The following GLYAT variants were observed in gnomAD, a reference collection of about 807,000 sequenced individuals.
GLYAT encodes the protein glycine-N-acyltransferase, also known as glycine N-acyltransferase.
In GLYAT, 25 loss-of-function variants were observed where a neutral mutation model predicts 22.8. That is an observed-to-expected ratio of 1.09 (90% CI 0.80 to 1.53). GLYAT has a LOEUF of 1.53. GLYAT is among the 40% of genes most tolerant of loss of function. The pLI is 0.00. For synonymous variants in GLYAT, 140 were observed against 122.7 expected, an observed-to-expected ratio of 1.14 and a Z score of -0.93; for missense variants, 411 against 353.9, an observed-to-expected ratio of 1.16 and a Z score of -1.29.
intron 3 of GLYAT, 141 bp downstream of exon 3, chr11:58,715,175 C>G (rs1565055735): frequency 1.8e-6 from 1 of 553,366 alleles, no homozygotes; most frequent in Non-Finnish European, 3.2e-6. Context: ...GTCTTTCAGA[C>G]TCCGAGCTTC....
At position 58,717,555 on chromosome 11, in the gene GLYAT, A is replaced by T. The variant is rs566455883; in HGVS notation, c.82-2132T>A. Among the ~76,000 whole-genome samples the T allele has an allele frequency of 4.7e-3, 714 of 152,032 alleles. 6 individuals carry two copies. Among genetic ancestry groups the T allele is most frequent in the Middle Eastern group, 0.02 (6 of 294 alleles). ...AGTTATTTCAAATTAGGAAAAATGAAAAAAAAAGAAGAAAAATAAATTTAA... is the reference window on the plus strand; with the variant it reads ...AGTTATTTCAAATTAGGAAAAATGATAAAAAAAGAAGAAAAATAAATTTAA... On this transcript the variant is annotated intron_variant, in intron 2 of 5. Coordinates refer to ENST00000344743, the MANE Select transcript of GLYAT (RefSeq NM_201648.3).
At chr11:58,715,575 G>A (rs1429011093) in intron 2 of GLYAT, 152 bp from the exon 3 acceptor site, 6 of 580,624 alleles carry the variant, frequency 1.0e-5, no homozygotes, top group Non-Finnish European at 1.8e-5. Context: ...GAATCTCTGT[G>A]TGCTATTTTT....
intron 1 of GLYAT, among the ~76,000 whole-genome samples, chr11:58,727,902 A>G (rs79638283): frequency 0.023 from 3,575 of 152,190 alleles, 50 homozygotes; most frequent in South Asian, 0.045. Flanking sequence ...GGAAGAATCA[A>G]GGGAGAATGG....
chr11:58,710,859 A>G, intron 4 of GLYAT, 98 bp from the exon 5 acceptor site: 5 of 762,352 alleles, frequency 6.6e-6, no homozygotes, highest in Non-Finnish European at 1.1e-5. Flanking sequence ...GTATCATAAA[A>G]TCTTGGTTCT....
intron 3 of GLYAT, among the ~76,000 whole-genome samples, chr11:58,714,228 G>A (rs531061174): frequency 1.1e-4 from 16 of 152,188 alleles, no homozygotes; most frequent in African/African-American, 2.4e-4. Context: ...AGTTATAATA[G>A]GAGGAATAAG....
chr11:58,710,546 CT>C, intron 5 of GLYAT, 43 bp downstream of exon 5: 1 of 1,429,954 alleles, frequency 7.0e-7, no homozygotes, highest in Non-Finnish European at 9.9e-7. Context: ...TGGGAGGTTA[CT>C]TGAGAGGTGT....
At chr11:58,713,837 T>C (rs1293669279) in intron 3 of GLYAT, among the ~76,000 whole-genome samples, 1 of 152,060 alleles carries the variant, frequency 6.6e-6, no homozygotes, top group Non-Finnish European at 1.5e-5. Context: ...AAAGATCAAA[T>C]AATTTTATTT....
chr11:58,714,291 T>C (rs1341476119), intron 3 of GLYAT, among the ~76,000 whole-genome samples: 1 of 152,166 alleles, frequency 6.6e-6, no homozygotes, highest in Non-Finnish European at 1.5e-5. Context: ...CAATGTATTG[T>C]ATTCTTGAAA....
intron 2 of GLYAT, among the ~76,000 whole-genome samples, chr11:58,718,705 C>T (rs1856713149): frequency 6.6e-6 from 1 of 151,200 alleles, no homozygotes; most frequent in Admixed American, 6.6e-5. Context: ...GTATCAGAAA[C>T]CCACATTTAA....
intron 1 of GLYAT, among the ~76,000 whole-genome samples, chr11:58,727,620 A>G (rs1856823665): frequency 6.6e-6 from 1 of 152,010 alleles, no homozygotes; most frequent in African/African-American, 2.4e-5. Context: ...CCCACAAGCC[A>G]CCTATCAGGT....
intron 1 of GLYAT, among the ~76,000 whole-genome samples, chr11:58,730,227 C>A (rs1176790344): frequency 1.3e-5 from 2 of 152,128 alleles, no homozygotes; most frequent in African/African-American, 4.8e-5. Context: ...GTAATTCCAG[C>A]ACTTTCAGAG....
rs1293580398 is a variant in GLYAT at position 58,709,471 on chromosome 11, G to A, written c.*295C>T. 3.4e-5 allele frequency: 8 copies of A among 236,084 alleles called. No homozygotes were observed. Among genetic ancestry groups the A allele is most frequent in the African/African-American group, 9.4e-5 (4 of 42,434 alleles). 14.6% of individuals were successfully genotyped at this position (236,084 alleles called of 1,614,324 possible). A position where few individuals can be genotyped will look rare whatever the true frequency, so the allele number is the denominator to read the frequency against. On this transcript the variant is annotated 3_prime_UTR_variant, in exon 6 of 6. Coordinates refer to ENST00000344743, the MANE Select transcript of GLYAT (RefSeq NM_201648.3). ...TGCAACTGAGGAACCAGGGATTCCA[G>A]GAGAAGTAATTTGGAGCAATATGTA...
intron 5 of GLYAT, 131 bp downstream of exon 5, chr11:58,710,458 AT>A (rs1291917236): frequency 1.2e-4 from 99 of 826,430 alleles, no homozygotes; most frequent in Admixed American, 2.0e-4. Flanking sequence ...TCTGAGTTAC[AT>A]TTTTTAAAAA....
chr11:58,716,104 A>T (rs1453228774), intron 2 of GLYAT, among the ~76,000 whole-genome samples: 2 of 152,116 alleles, frequency 1.3e-5, no homozygotes, highest in African/African-American at 4.8e-5. Flanking sequence ...CCATTCTTAG[A>T]TCCCCACCCT....
chr11:58,728,053 CTTTTTTTTTTT>C (rs1173955703), intron 1 of GLYAT, among the ~76,000 whole-genome samples: 9 of 68,680 alleles, frequency 1.3e-4, no homozygotes, highest in South Asian at 5.1e-4. Context: ...TGCTCTAAAG[CTTTTTTTTTTT>C]TTTTTTTTTT....
intron 3 of GLYAT, among the ~76,000 whole-genome samples, chr11:58,713,638 A>G (rs1856643744): frequency 6.6e-6 from 1 of 152,160 alleles, no homozygotes; most frequent in Non-Finnish European, 1.5e-5. Context: ...ACTTACACGG[A>G]AAGAGCTTCT....
chr11:58,712,668 G>T, intron 4 of GLYAT, 92 bp downstream of exon 4: 1 of 1,082,784 alleles, frequency 9.2e-7, no homozygotes, highest in Non-Finnish European at 1.4e-6. Context: ...CAGGCTGGGA[G>T]TCTGGAGCTT....
At chr11:58,710,417 G>A in intron 5 of GLYAT, 173 bp downstream of exon 5, 1 of 719,622 alleles carries the variant, frequency 1.4e-6, no homozygotes. Context: ...AAGGGAGATG[G>A]TGGAGTCTTT....
chr11:58,720,861 A>T (rs1280661840), intron 2 of GLYAT, among the ~76,000 whole-genome samples: 1 of 152,060 alleles, frequency 6.6e-6, no homozygotes, highest in Non-Finnish European at 1.5e-5. Flanking sequence ...AACAAAATGT[A>T]TGCTGGTAAT....
Sources: allele counts gnomAD v4.1 joint callset (sites outside exome capture counted in the v4.1 genomes callset), GRCh38; gene constraint gnomAD v4.1.1; transcripts MANE v1.5; gene names NCBI Gene and HGNC (gene_info 2026-07-23, HGNC 2026-07-21).